The following SLC9A4 variants were observed in gnomAD, a reference collection of about 807,000 sequenced individuals.
The protein encoded by SLC9A4 is solute carrier family 9 member A4, also known as sodium/hydrogen exchanger 4.
Under a neutral mutation model 67.4 loss-of-function variants are expected in SLC9A4, and 63 were observed. The observed-to-expected ratio is 0.93, with a 90% CI of 0.76 to 1.15. The LOEUF (loss-of-function observed/expected upper bound fraction) is 1.15. Among genes scored for constraint, SLC9A4 ranks in the 50% most tolerant of loss-of-function variants. The pLI is 0.00. For synonymous variants in SLC9A4, 393 were observed against 367.2 expected (o/e 1.07, Z -0.80); for missense variants, 1,089 against 987.7 (o/e 1.10, Z -1.38).
intron 3 of SLC9A4, 119 bp from the exon 4 acceptor site, chr2:102,505,135 A>G: frequency 1.2e-6 from 1 of 854,840 alleles, no homozygotes; most frequent in Non-Finnish European, 1.8e-6. Context: ...GAAGGGAATA[A>G]GGGAGATATT....
chr2:102,508,679 G>A (rs6751949), intron 5 of SLC9A4, among the ~76,000 whole-genome samples, 168 bp from the exon 6 acceptor site: 114,148 of 152,182 alleles, frequency 0.75, 43,196 homozygotes, highest in Middle Eastern at 0.8. Flanking sequence ...TTTTATTGCA[G>A]TACTTAAAGG....
At position 102,528,308 on chromosome 2, in the gene SLC9A4, G is replaced by A. The variant is rs75315383; in HGVS notation, c.2038+1962G>A. 8.4e-3 allele frequency among the ~76,000 whole-genome samples: 1,273 copies of A among 152,048 alleles called. 15 individuals carry two copies. Among genetic ancestry groups the A allele is most frequent in the African/African-American group, 0.028 (1,161 of 41,480 alleles). On this transcript the variant is annotated intron_variant, in intron 11 of 11. Transcript: ENST00000295269. Reference sequence around the variant, plus strand: ...CAGGCGTGAGCCACCGAGTCTGGTCGATAGTTTAATTTTTTTAAACCATCT... The same window carrying A: ...CAGGCGTGAGCCACCGAGTCTGGTCAATAGTTTAATTTTTTTAAACCATCT...
At position 102,508,063 on chromosome 2, in the gene SLC9A4, G is replaced by A. The variant is rs372895252; in HGVS notation, c.1199-16G>A. On this transcript the variant is annotated splice_polypyrimidine_tract_variant and intron_variant, in intron 4 of 11. Transcript: ENST00000295269. ...TTCATGATCCTCTGCTCTAATACAC[G>A]TTTCCCCCTTTCTAGGCGTATTTGC... is the stretch of plus-strand genomic sequence containing the variant. 89 of 1,612,710 alleles carry A rather than the reference G, an allele frequency of 5.5e-5. No individual in the cohort carries two copies. The African/African-American group carries it at 6.3e-4, about 11-fold the overall frequency.
At chr2:102,499,403 G>C (rs1684876953) in intron 2 of SLC9A4, among the ~76,000 whole-genome samples, 1 of 152,128 alleles carries the variant, frequency 6.6e-6, no homozygotes, top group African/African-American at 2.4e-5. Flanking sequence ...TTTTGTTTCT[G>C]GACAATTTCT....
chr2:102,488,441 C>G (rs1192614994), intron 2 of SLC9A4, among the ~76,000 whole-genome samples: 1 of 152,110 alleles, frequency 6.6e-6, no homozygotes, highest in Non-Finnish European at 1.5e-5. Context: ...TGACTCCAGG[C>G]TGAGGTCATC....
At chr2:102,479,521 T>C (rs1437011837) in intron 2 of SLC9A4, among the ~76,000 whole-genome samples, 4 of 152,146 alleles carry the variant, frequency 2.6e-5, no homozygotes, top group Non-Finnish European at 5.9e-5. Flanking sequence ...ACAAACCAAC[T>C]AGTTTCGTTA....
chr2:102,532,615 C>T lies in SLC9A4; in HGVS notation c.2324C>T (p.Ser775Leu), dbSNP rs199784614. Residue 775 changes from serine to leucine, a missense_variant, in exon 12 of 12, where the codon TCG (serine) becomes TTG (leucine). Transcript: ENST00000295269. ...AAGGCCTCTTTGGTTGAGGTTCGGT[C>T]GAGGTGGACAGCTGACCATGGACAC... ...EGKASLVEVRSRWTADHGHGR... is the reference protein window; with the variant it reads ...EGKASLVEVRLRWTADHGHGR... 1.1e-5 allele frequency: 17 copies of T among 1,613,712 alleles called. No individual in the cohort carries two copies. The highest frequency in any genetic ancestry group is 2.2e-5 in the East Asian group (1 of 44,884).
At position 102,488,296 on chromosome 2, in the gene SLC9A4, T is replaced by TGCTG. The variant is rs542546748; in HGVS notation, c.720+8999_720+9002dup. Among the ~76,000 whole-genome samples the TGCTG allele has an allele frequency of 1.2e-3, 179 of 151,996 alleles. 1 individual carries two copies. Among genetic ancestry groups the TGCTG allele is most frequent in the African/African-American group, 4.1e-3 (171 of 41,426 alleles). ...CCCCATGAGTTGGCTGTTTGGGAGG[T>TGCTG]GCTGGCTGACAAATAGTTTCCTTAT... On this transcript the variant is annotated intron_variant, in intron 2 of 11. Coordinates refer to ENST00000295269, the MANE Select transcript of SLC9A4 (RefSeq NM_001011552.4).
chr2:102,489,196 C>T (rs572605106), intron 2 of SLC9A4, among the ~76,000 whole-genome samples: 2 of 152,014 alleles, frequency 1.3e-5, no homozygotes, highest in South Asian at 2.1e-4. Context: ...TCATTTGCTC[C>T]AAATTGATGT....
intron 11 of SLC9A4, among the ~76,000 whole-genome samples, chr2:102,530,320 A>T (rs1401204009): frequency 1.3e-5 from 2 of 152,140 alleles, no homozygotes; most frequent in Middle Eastern, 3.2e-3. Context: ...GTAAAAGAAC[A>T]CATACTCAGA....
intron 2 of SLC9A4, among the ~76,000 whole-genome samples, chr2:102,501,641 G>A (rs373387403): frequency 2.0e-5 from 3 of 152,056 alleles, no homozygotes; most frequent in African/African-American, 7.2e-5. Flanking sequence ...AGCTAGGAAA[G>A]GGGCTGGGGG....
chr2:102,533,437 C>A lies in SLC9A4; in HGVS notation c.*749C>A, dbSNP rs1674820732. 1 of 151,980 alleles carries A rather than the reference C, an allele frequency of 6.6e-6. No homozygotes were observed. Among genetic ancestry groups the A allele is most frequent in the Non-Finnish European group, 1.5e-5 (1 of 67,988 alleles). The allele number at this position is 151,980 out of a possible 1,614,324, so 9.4% of individuals were successfully genotyped here. ...TAACAACAAGTATTTATAAGGGGTGCATTTGTAGGGTGTGACATTTTACCC... is the reference window on the plus strand; with the variant it reads ...TAACAACAAGTATTTATAAGGGGTGAATTTGTAGGGTGTGACATTTTACCC... On this transcript the variant is annotated 3_prime_UTR_variant, in exon 12 of 12. Transcript: ENST00000295269.
chr2:102,519,979 T>A (rs1313848919), intron 9 of SLC9A4, 24 bp downstream of exon 9: 13 of 1,603,962 alleles, frequency 8.1e-6, no homozygotes, highest in Admixed American at 1.7e-5. Context: ...ACCTGTGTTG[T>A]CCCCATTTTC....
At chr2:102,476,685 C>G (rs761201374) in intron 1 of SLC9A4, among the ~76,000 whole-genome samples, 1 of 148,872 alleles carries the variant, frequency 6.7e-6, no homozygotes, top group Non-Finnish European at 1.5e-5. Flanking sequence ...AGAAGGAAAA[C>G]GGTAAGGAGA....
chr2:102,473,599 C>G lies in SLC9A4; in HGVS notation c.-161C>G. 1 of 806,742 alleles carries G rather than the reference C, an allele frequency of 1.2e-6. No individual in the cohort carries two copies. The highest frequency in any genetic ancestry group is 1.8e-5 in the South Asian group (1 of 55,276). The allele number at this position is 806,742 out of a possible 1,614,324, so 50.0% of individuals were successfully genotyped here. A position where few individuals can be genotyped will look rare whatever the true frequency, so the allele number is the denominator to read the frequency against. On this transcript the variant is annotated 5_prime_UTR_variant, in exon 1 of 12. Coordinates refer to ENST00000295269, the MANE Select transcript of SLC9A4 (RefSeq NM_001011552.4). Reference sequence around the variant, plus strand: ...AACCAGATTAGAAAGTGTCTACATACAGAGCTCAATAACACACTCGGAATC... The same window carrying G: ...AACCAGATTAGAAAGTGTCTACATAGAGAGCTCAATAACACACTCGGAATC...
intron 8 of SLC9A4, among the ~76,000 whole-genome samples, chr2:102,517,523 C>G (rs944257135): frequency 3.3e-5 from 5 of 152,080 alleles, no homozygotes; most frequent in African/African-American, 1.2e-4. Context: ...AAGAAATAAG[C>G]TCTGGTGGTT....
intron 3 of SLC9A4, among the ~76,000 whole-genome samples, chr2:102,504,825 A>G (rs967628263): frequency 2.0e-5 from 3 of 152,344 alleles, no homozygotes; most frequent in Non-Finnish European, 4.4e-5. Context: ...AGAACCTTGC[A>G]TTGTCTTAGA....
At chr2:102,499,366 G>T (rs1684875681) in intron 2 of SLC9A4, among the ~76,000 whole-genome samples, 1 of 152,200 alleles carries the variant, frequency 6.6e-6, no homozygotes, top group South Asian at 2.1e-4. Flanking sequence ...GGGATTGTGG[G>T]ACTTTTGTGG....
chr2:102,512,210 A>G lies in SLC9A4; in HGVS notation c.1496A>G (p.Asp499Gly), dbSNP rs748438210. The G allele has an allele frequency of 6.2e-7, 1 of 1,613,960 alleles. No homozygotes were observed. Among genetic ancestry groups the G allele is most frequent in the South Asian group, 1.1e-5 (1 of 91,068 alleles). The change falls in exon 7 of 12, where the codon GAT becomes GGT. Residue 499 changes from aspartate to glycine, a missense_variant. Coordinates refer to ENST00000295269, the MANE Select transcript of SLC9A4 (RefSeq NM_001011552.4). ...INEELHIRLM[D>G]HLKAGIEDVC... The stretch of plus-strand genomic sequence containing the variant: ...CTTGTGTTTGTTTGGCAGCTGATGG[A>G]TCACTTAAAGGCTGGAATCGAAGAT...
Sources: gnomAD v4.1 joint callset for allele counts (sites outside exome capture counted in the v4.1 genomes callset) on GRCh38, gnomAD v4.1.1 for gene constraint, MANE v1.5 for transcripts, NCBI Gene and HGNC (gene_info 2026-07-23, HGNC 2026-07-21) for gene names.